Variants in ERH observed in about 807,000 individuals in gnomAD.
The protein encoded by ERH is enhancer of rudimentary homolog.
In ERH, 1 loss-of-function variant was observed where a neutral mutation model predicts 16.8. The observed-to-expected ratio is 0.06, with a 90% CI of 0.02 to 0.28. The LOEUF is 0.28. ERH is among the 10% of genes least tolerant of loss of function. The pLI is 1.00. For synonymous variants in ERH, 43 were observed against 43.6 expected (o/e 0.99, Z 0.05); for missense variants, 42 against 127.5 (o/e 0.33, Z 3.23).
rs1430147794 is a variant in ERH at position 69,380,141 on chromosome 14, C to T, written c.*397G>A. The T allele has an allele frequency of 6.5e-6, 1 of 153,094 alleles. No homozygotes were observed. The highest frequency in any genetic ancestry group is 1.4e-5 in the Non-Finnish European group (1 of 70,156). The allele number at this position is 153,094 out of a possible 1,614,324, so 9.5% of individuals were successfully genotyped here. A position where few individuals can be genotyped will look rare whatever the true frequency, so the allele number is the denominator to read the frequency against. On this transcript the variant is annotated 3_prime_UTR_variant, in exon 4 of 4. Transcript: ENST00000557016. Reference sequence around the variant, plus strand: ...TCAGGGAGAAAATATAACTAAAGGACATTTATTTATTTTTACCAAGACTTT... The same window carrying T: ...TCAGGGAGAAAATATAACTAAAGGATATTTATTTATTTTTACCAAGACTTT...
chr14:69,392,521 G>A (rs1394565347), intron 2 of ERH, among the ~76,000 whole-genome samples: 1 of 152,216 alleles, frequency 6.6e-6, no homozygotes, highest in Non-Finnish European at 1.5e-5. Flanking sequence ...GTTGAGGGTG[G>A]GGTAGGAGGG....
intron 3 of ERH, among the ~76,000 whole-genome samples, chr14:69,386,127 C>A (rs1174438984): frequency 6.6e-6 from 1 of 152,134 alleles, no homozygotes; most frequent in Admixed American, 6.5e-5. Context: ...AACCGGAACA[C>A]AATGAAGAGG....
At chr14:69,383,509 T>C (rs145209437) in intron 3 of ERH, among the ~76,000 whole-genome samples, 297 of 152,346 alleles carry the variant, frequency 1.9e-3, no homozygotes, top group African/African-American at 6.8e-3. Flanking sequence ...TTCTCCTGAA[T>C]ATTCAAAGAA....
intron 2 of ERH, among the ~76,000 whole-genome samples, chr14:69,390,213 T>C (rs575438532): frequency 4.0e-5 from 6 of 151,458 alleles, no homozygotes; most frequent in African/African-American, 7.4e-5. Context: ...AACAAGCTAA[T>C]CCTAAGTTTG....
chr14:69,390,417 G>A (rs2140232501), intron 2 of ERH, among the ~76,000 whole-genome samples: 1 of 152,244 alleles, frequency 6.6e-6, no homozygotes, highest in East Asian at 1.9e-4. Context: ...CACATTTATG[G>A]TCAACTGCTT....
chr14:69,384,022 AGTTAT>A (rs1324361148), intron 3 of ERH, among the ~76,000 whole-genome samples: 19 of 152,254 alleles, frequency 1.2e-4, no homozygotes, highest in Admixed American at 9.8e-4. Flanking sequence ...AAGTTAGAAA[AGTTAT>A]GTTATGTCAT....
intron 2 of ERH, among the ~76,000 whole-genome samples, chr14:69,387,294 C>T (rs939302735): frequency 4.6e-5 from 7 of 152,152 alleles, no homozygotes; most frequent in African/African-American, 1.4e-4. Flanking sequence ...TAGTGGCTTA[C>T]GCCTGTAATC....
rs775967167 is a variant in ERH, at chr14:69,397,677, G to A, written c.3+554C>T. The stretch of plus-strand genomic sequence containing the variant: ...CTCACGCCTGTAATCCCAGCACTTT[G>A]GGATGCCGAGGCGGGTGGATTGCTT... On this transcript the variant is annotated intron_variant, in intron 1 of 3. Transcript: ENST00000557016. Among the ~76,000 whole-genome samples the A allele has an allele frequency of 4.1e-4, 63 of 152,300 alleles. 1 individual carries two copies. The highest frequency in any genetic ancestry group is 2.1e-3 in the South Asian group (10 of 4,830).
rs529783189 is a variant in ERH at position 69,386,676 on chromosome 14, A to G, written c.212+287T>C. On this transcript the variant is annotated intron_variant, in intron 3 of 3. Coordinates refer to ENST00000557016, the MANE Select transcript of ERH (RefSeq NM_004450.3). Reference sequence around the variant, plus strand: ...GGCTTTAAGACAAAGACTGTAAAGGAAAAAAAAAATTAGGTATAAGGAACA... The same window carrying G: ...GGCTTTAAGACAAAGACTGTAAAGGGAAAAAAAAATTAGGTATAAGGAACA... 63 of 216,592 alleles carry G rather than the reference A, an allele frequency of 2.9e-4. 3 individuals carry two copies. Among genetic ancestry groups the G allele is most frequent in the South Asian group, 2.4e-3 (15 of 6,134 alleles). The allele number at this position is 216,592 out of a possible 1,614,324, so 13.4% of individuals were successfully genotyped here. A position where few individuals can be genotyped will look rare whatever the true frequency, so the allele number is the denominator to read the frequency against.
chr14:69,397,148 G>T (rs962433614), intron 1 of ERH, among the ~76,000 whole-genome samples: 1 of 152,164 alleles, frequency 6.6e-6, no homozygotes, highest in Non-Finnish European at 1.5e-5. Context: ...CAAAGACAAG[G>T]ATTAAAAATC....
intron 2 of ERH, among the ~76,000 whole-genome samples, chr14:69,390,852 T>A (rs2045920328): frequency 1.3e-5 from 2 of 152,152 alleles, no homozygotes; most frequent in Non-Finnish European, 2.9e-5. Context: ...AGGCAGAAGA[T>A]CTGGATACCT....
At chr14:69,387,404 T>TA (rs2045898916) in intron 2 of ERH, among the ~76,000 whole-genome samples, 1 of 151,874 alleles carries the variant, frequency 6.6e-6, no homozygotes, top group Admixed American at 6.6e-5. Flanking sequence ...CTACAAAAAT[T>TA]AAAAAATTAG....
At chr14:69,397,010 AT>A (rs1280426508) in intron 1 of ERH, among the ~76,000 whole-genome samples, 1 of 152,226 alleles carries the variant, frequency 6.6e-6, no homozygotes, top group Non-Finnish European at 1.5e-5. Flanking sequence ...TTGTATTCCA[AT>A]TCTAATGCAA....
intron 2 of ERH, among the ~76,000 whole-genome samples, chr14:69,393,708 A>G (rs1882269209): frequency 1.3e-5 from 2 of 152,206 alleles, no homozygotes; most frequent in Admixed American, 1.3e-4. Flanking sequence ...TACAATGTAC[A>G]CCAGGTGATG....
At chr14:69,386,867 C>G in intron 3 of ERH, 96 bp downstream of exon 3, 1 of 1,123,728 alleles carries the variant, frequency 8.9e-7, no homozygotes, top group Non-Finnish European at 1.3e-6. Flanking sequence ...AGATCAGTAT[C>G]AGGCACATAA....
At chr14:69,397,919 C>G in intron 1 of ERH, 1 of 541,460 alleles carries the variant, frequency 1.8e-6, no homozygotes, top group Non-Finnish European at 3.3e-6. Context: ...CTCTCTATCT[C>G]AAAAAACAAA....
At chr14:69,389,113 C>T (rs934337276) in intron 2 of ERH, among the ~76,000 whole-genome samples, 1 of 152,002 alleles carries the variant, frequency 6.6e-6, no homozygotes, top group Non-Finnish European at 1.5e-5. Context: ...CTCTGCCTCC[C>T]GGATTCAAGC....
At chr14:69,398,078 T>C in intron 1 of ERH, 153 bp downstream of exon 1, 2 of 1,004,898 alleles carry the variant, frequency 2.0e-6, no homozygotes, top group Non-Finnish European at 3.0e-6. Flanking sequence ...CTGGCGTCCC[T>C]GCGGCGGGAA....
chr14:69,389,878 C>A (rs546819055), intron 2 of ERH, among the ~76,000 whole-genome samples: 33 of 152,218 alleles, frequency 2.2e-4, no homozygotes, highest in African/African-American at 7.7e-4. Context: ...TTCAAGTGAT[C>A]CTCCCAAGGA....
Sources: gnomAD v4.1 joint callset for allele counts (sites outside exome capture counted in the v4.1 genomes callset) on GRCh38, gnomAD v4.1.1 for gene constraint, MANE v1.5 for transcripts, NCBI Gene and HGNC (gene_info 2026-07-23, HGNC 2026-07-21) for gene names.